NDFIP2: variants seen among roughly 807,000 people sequenced by gnomAD.
The protein encoded by NDFIP2 is Nedd4 family interacting protein 2, also known as NEDD4 family-interacting protein 2.
In NDFIP2, 19 loss-of-function variants were observed where a neutral mutation model predicts 36.0. That is an observed-to-expected ratio of 0.53 (90% CI 0.37 to 0.77). NDFIP2 has a LOEUF of 0.77. Among genes scored for constraint, NDFIP2 ranks in the 30% least tolerant of loss-of-function variants. The pLI, the probability that NDFIP2 is intolerant of heterozygous loss-of-function variation, is 0.00. For synonymous variants in NDFIP2, 181 were observed against 167.7 expected, an observed-to-expected ratio of 1.08 and a Z score of -0.61; for missense variants, 446 against 435.8, an observed-to-expected ratio of 1.02 and a Z score of -0.21.
At chr13:79,527,016 G>A (rs915059480) in intron 2 of NDFIP2, among the ~76,000 whole-genome samples, 2 of 152,136 alleles carry the variant, frequency 1.3e-5, no homozygotes. Flanking sequence ...TTTTATAATT[G>A]CGGTGTCCTG....
At chr13:79,488,175 G>C (rs1873092584) in intron 1 of NDFIP2, among the ~76,000 whole-genome samples, 1 of 152,060 alleles carries the variant, frequency 6.6e-6, no homozygotes, top group African/African-American at 2.4e-5. Flanking sequence ...ACTCAAATAT[G>C]TTGTATACTA....
rs181678038 is a variant in NDFIP2, at chr13:79,539,501, C to A, written c.622-181C>A. 1.3e-5 allele frequency among the ~76,000 whole-genome samples: 2 copies of A among 152,146 alleles called. 1 individual carries two copies. Among genetic ancestry groups the A allele is most frequent in the East Asian group, 3.9e-4 (2 of 5,168 alleles). ...TTAAAGTTACTCTTTTCAAATGTGACTGTGAAAAAATATTAGTTGCTAATG... is the reference window on the plus strand; with the variant it reads ...TTAAAGTTACTCTTTTCAAATGTGAATGTGAAAAAATATTAGTTGCTAATG... On this transcript the variant is annotated intron_variant, in intron 3 of 7. Coordinates refer to ENST00000218652, the MANE Select transcript of NDFIP2 (RefSeq NM_019080.3).
chr13:79,492,252 CTTTT>C (rs780442571), intron 1 of NDFIP2, among the ~76,000 whole-genome samples: 2 of 133,988 alleles, frequency 1.5e-5, no homozygotes, highest in East Asian at 4.2e-4. Context: ...GTAGTGACAC[CTTTT>C]TTTTTTTTTT....
intron 1 of NDFIP2, among the ~76,000 whole-genome samples, chr13:79,516,363 C>T (rs1874331616): frequency 6.6e-6 from 1 of 152,106 alleles, no homozygotes; most frequent in Admixed American, 6.5e-5. Context: ...AGGTTATCCT[C>T]CTGCCTCAGC....
chr13:79,502,710 G>A (rs901374513), intron 1 of NDFIP2, among the ~76,000 whole-genome samples: 2 of 152,052 alleles, frequency 1.3e-5, no homozygotes, highest in African/African-American at 2.4e-5. Flanking sequence ...TGTTTTCAGC[G>A]AGACGTTTGG....
At chr13:79,534,350 GTTTTTTTT>G (rs532659161) in intron 3 of NDFIP2, among the ~76,000 whole-genome samples, 1 of 95,406 alleles carries the variant, frequency 1.0e-5, no homozygotes, top group Non-Finnish European at 1.9e-5. Context: ...TTTGTCAGCT[GTTTTTTTT>G]TTTTTTTTTT....
intron 3 of NDFIP2, 63 bp from the exon 4 acceptor site, chr13:79,539,619 C>G: frequency 3.8e-6 from 5 of 1,322,618 alleles, no homozygotes; most frequent in Non-Finnish European, 4.3e-6. Flanking sequence ...AGTTCTTATG[C>G]TTACATTTAA....
intron 6 of NDFIP2, among the ~76,000 whole-genome samples, chr13:79,549,682 A>G (rs1244957510): frequency 6.6e-6 from 1 of 151,942 alleles, no homozygotes; most frequent in African/African-American, 2.4e-5. Flanking sequence ...AATGCCTGAG[A>G]AGTAAAATGT....
At chr13:79,519,468 T>G (rs1874478925) in intron 1 of NDFIP2, among the ~76,000 whole-genome samples, 2 of 152,214 alleles carry the variant, frequency 1.3e-5, no homozygotes, top group Admixed American at 1.3e-4. Context: ...GAATGGCCAT[T>G]TCAAAGTTTA....
chr13:79,523,638 A>G (rs1874676973), intron 2 of NDFIP2, among the ~76,000 whole-genome samples: 1 of 152,238 alleles, frequency 6.6e-6, no homozygotes, highest in African/African-American at 2.4e-5. Flanking sequence ...ATACTGTAAT[A>G]AAAGTTATGT....
chr13:79,542,769 C>T (rs1049989656), intron 4 of NDFIP2, among the ~76,000 whole-genome samples: 3 of 152,022 alleles, frequency 2.0e-5, no homozygotes, highest in African/African-American at 7.2e-5. Context: ...CATGACATTA[C>T]ATAGCATAAG....
chr13:79,546,037 GTT>G (rs1393905007), intron 5 of NDFIP2, among the ~76,000 whole-genome samples: 1 of 152,156 alleles, frequency 6.6e-6, no homozygotes, highest in Admixed American at 6.5e-5. Context: ...CAGTCTCACA[GTT>G]TTTAATGTGA....
intron 1 of NDFIP2, among the ~76,000 whole-genome samples, chr13:79,507,846 A>G (rs1021278259): frequency 1.3e-5 from 2 of 151,808 alleles, no homozygotes; most frequent in Non-Finnish European, 2.9e-5. Flanking sequence ...TTTTTTTAAG[A>G]AATGAAATAA....
At chr13:79,547,121 A>T (rs1875715957) in intron 5 of NDFIP2, among the ~76,000 whole-genome samples, 1 of 152,190 alleles carries the variant, frequency 6.6e-6, no homozygotes, top group South Asian at 2.1e-4. Flanking sequence ...TTTATTTATT[A>T]ATTGGAAATA....
chr13:79,532,246 A>G (rs1875045126), intron 2 of NDFIP2, among the ~76,000 whole-genome samples: 1 of 152,246 alleles, frequency 6.6e-6, no homozygotes, highest in African/African-American at 2.4e-5. Flanking sequence ...TTCAATGTGG[A>G]ATTGCCGCCG....
chr13:79,485,317 T>A (rs766777164), intron 1 of NDFIP2, among the ~76,000 whole-genome samples: 3 of 152,196 alleles, frequency 2.0e-5, no homozygotes, highest in Non-Finnish European at 4.4e-5. Flanking sequence ...CTTTGTTCCC[T>A]GTGTAACTTA....
At chr13:79,503,475 A>C (rs1251291277) in intron 1 of NDFIP2, among the ~76,000 whole-genome samples, 2 of 152,204 alleles carry the variant, frequency 1.3e-5, no homozygotes, top group African/African-American at 4.8e-5. Flanking sequence ...ATCAGGTAGC[A>C]GGGAATAGAG....
At chr13:79,540,209 A>G (rs1038778029) in intron 4 of NDFIP2, among the ~76,000 whole-genome samples, 9 of 152,234 alleles carry the variant, frequency 5.9e-5, no homozygotes, top group African/African-American at 1.4e-4. Context: ...CAACTGGAAC[A>G]GTGTCACTTG....
At position 79,548,307 on chromosome 13, in the gene NDFIP2, ATATT is replaced by A; in HGVS notation, c.841-17_841-14del. On this transcript the variant is annotated splice_polypyrimidine_tract_variant and intron_variant, in intron 5 of 7. Transcript: ENST00000218652. ...ATTCAGGTGTATGAATTCGGTTAAT[ATATT>A]TATGTTCACTCCATAGTTTTCTGAT... 1 of 1,507,096 alleles carries A rather than the reference ATATT, an allele frequency of 6.6e-7. No individual in the cohort carries two copies. The highest frequency in any genetic ancestry group is 9.1e-7 in the Non-Finnish European group (1 of 1,095,604). 93.4% of individuals were successfully genotyped at this position (1,507,096 alleles called of 1,614,324 possible). A position where few individuals can be genotyped will look rare whatever the true frequency, so the allele number is the denominator to read the frequency against.
Sources: gnomAD v4.1 joint callset for allele counts (sites outside exome capture counted in the v4.1 genomes callset) on GRCh38, gnomAD v4.1.1 for gene constraint, MANE v1.5 for transcripts, NCBI Gene and HGNC (gene_info 2026-07-23, HGNC 2026-07-21) for gene names.